GYPE: variants seen among roughly 807,000 people sequenced by gnomAD.
GYPE encodes the protein glycophorin E (MNS blood group).
Under a neutral mutation model 11.6 loss-of-function variants are expected in GYPE, and 8 were observed. The observed-to-expected ratio is 0.69, with a 90% confidence interval of 0.41 to 1.25. The LOEUF (loss-of-function observed/expected upper bound fraction) is 1.25, where lower values mean the gene tolerates loss of function less well. Ranked by LOEUF, GYPE falls within the 50% of genes most tolerant of loss-of-function variation. The pLI is 0.01. For missense variants in GYPE, 90 were observed against 92.8 expected (o/e 0.97, Z 0.12); for synonymous variants, 28 against 29.6 (o/e 0.94, Z 0.18).
intron 1 of GYPE, among the ~76,000 whole-genome samples, chr4:143,892,733 T>C (rs1744459223): frequency 1.3e-5 from 2 of 149,456 alleles, no homozygotes; most frequent in African/African-American, 4.9e-5. Context: ...CTTCCAACTA[T>C]GTGGTCAGTT....
chr4:143,897,166 A>T (rs1744684626), intron 1 of GYPE, among the ~76,000 whole-genome samples: 3 of 152,126 alleles, frequency 2.0e-5, no homozygotes, highest in East Asian at 1.9e-4. Flanking sequence ...ATAATAATAA[A>T]AAAAATTAAG....
intron 1 of GYPE, among the ~76,000 whole-genome samples, chr4:143,890,317 A>G (rs4095435): frequency 0.93 from 141,301 of 152,240 alleles, 66,518 homozygotes; most frequent in East Asian, 1. Context: ...AGAACAAAAG[A>G]GGATTTCACA....
chr4:143,873,585 A>G (rs1052487416), intron 3 of GYPE: 11 of 400,056 alleles, frequency 2.7e-5, no homozygotes, highest in Non-Finnish European at 5.5e-5. Flanking sequence ...GCATTTGACA[A>G]GACCATCTGG....
chr4:143,894,037 C>A (rs941756262), intron 1 of GYPE, among the ~76,000 whole-genome samples: 1 of 152,006 alleles, frequency 6.6e-6, no homozygotes, highest in Non-Finnish European at 1.5e-5. Context: ...CTAAACTTCC[C>A]TTCTCGCTTC....
chr4:143,876,069 A>G (rs1213325275), intron 3 of GYPE, among the ~76,000 whole-genome samples: 1 of 152,044 alleles, frequency 6.6e-6, no homozygotes, highest in Non-Finnish European at 1.5e-5. Flanking sequence ...GTTGCAAAAT[A>G]TGTGAGAATT....
chr4:143,894,088 C>T (rs1435676638), intron 1 of GYPE, among the ~76,000 whole-genome samples: 1 of 152,176 alleles, frequency 6.6e-6, no homozygotes, highest in South Asian at 2.1e-4. Flanking sequence ...ACCCTTTCTT[C>T]CAGTTGATCA....
At chr4:143,902,683 A>T (rs1317433412) in intron 1 of GYPE, among the ~76,000 whole-genome samples, 2 of 151,620 alleles carry the variant, frequency 1.3e-5, no homozygotes, top group East Asian at 3.9e-4. Context: ...TTATTCAACC[A>T]ATATGCTACT....
intron 1 of GYPE, among the ~76,000 whole-genome samples, chr4:143,881,172 C>G (rs905994396): frequency 5.5e-5 from 8 of 146,744 alleles, no homozygotes; most frequent in Non-Finnish European, 1.0e-4. Flanking sequence ...GCCTGGGTGA[C>G]AGAACGAGAC....
In GYPE at chr4:143,903,395, C is replaced by G. The variant is rs374136914; in HGVS notation, c.37+2076G>C. Among the ~76,000 whole-genome samples, 857 of 151,350 alleles carry G rather than the reference C, an allele frequency of 5.7e-3. 11 individuals are homozygous for G. The highest frequency in any genetic ancestry group is 0.019 in the African/African-American group (767 of 41,196). On this transcript the variant is annotated intron_variant, in intron 1 of 3. Coordinates refer to ENST00000358615, the MANE Select transcript of GYPE (RefSeq NM_198682.3). ...AATGAGTGCAGGAATTCAGGGACTG[C>G]GAATCAAGTCATATTAGAAAAAATG...
chr4:143,894,685 G>A (rs1473548939), intron 1 of GYPE, among the ~76,000 whole-genome samples: 5 of 152,030 alleles, frequency 3.3e-5, no homozygotes, highest in Admixed American at 6.6e-5. Context: ...ACCAGAGCCG[G>A]GCAGAGACAC....
At chr4:143,878,719 G>A (rs750683060) in intron 2 of GYPE, 15 of 475,012 alleles carry the variant, frequency 3.2e-5, no homozygotes, top group Non-Finnish European at 4.3e-5. Context: ...TAAGTAAGAC[G>A]TGCAAAGAAA....
Position 143,871,292 on chromosome 4 carries a change from GT to G in GYPE, c.*969del, listed in dbSNP as rs374388196. On this transcript the variant is annotated 3_prime_UTR_variant, in exon 4 of 4. Coordinates refer to ENST00000358615, the MANE Select transcript of GYPE (RefSeq NM_198682.3). The stretch of plus-strand genomic sequence containing the variant: ...ACCTTCAAGGAACCTAAATCCTGGT[GT>G]TTTTATGGTTACGGGTGGCATATAA... 2 of 152,214 alleles carry G rather than the reference GT, an allele frequency of 1.3e-5. No homozygotes were observed. Among genetic ancestry groups the G allele is most frequent in the African/African-American group, 4.8e-5 (2 of 41,528 alleles). The allele number at this position is 152,214 out of a possible 1,614,324, so 9.4% of individuals were successfully genotyped here.
intron 1 of GYPE, among the ~76,000 whole-genome samples, chr4:143,896,250 C>A (rs1358582701): frequency 2.6e-5 from 4 of 151,950 alleles, no homozygotes; most frequent in Non-Finnish European, 5.9e-5. Flanking sequence ...ATTTTTGCAA[C>A]CTACTCATCT....
intron 2 of GYPE, chr4:143,878,609 A>T (rs1448522299): frequency 8.5e-6 from 4 of 469,576 alleles, no homozygotes; most frequent in Non-Finnish European, 8.8e-6. Flanking sequence ...AAATGGAATG[A>T]TTTTGATTCT....
chr4:143,882,185 A>G (rs1410213516), intron 1 of GYPE, among the ~76,000 whole-genome samples: 1 of 152,156 alleles, frequency 6.6e-6, no homozygotes, highest in Non-Finnish European at 1.5e-5. Flanking sequence ...ACTAAATAGC[A>G]TGCAAAACAA....
chr4:143,903,575 G>C (rs138876703), intron 1 of GYPE, among the ~76,000 whole-genome samples: 2,411 of 142,944 alleles, frequency 0.017, 86 homozygotes, highest in African/African-American at 0.059. Context: ...ACCATGTTTA[G>C]TCTTCAGCTA....
intron 1 of GYPE, among the ~76,000 whole-genome samples, chr4:143,892,765 G>A (rs1256002646): frequency 6.8e-6 from 1 of 146,548 alleles, no homozygotes; most frequent in African/African-American, 2.5e-5. Flanking sequence ...GTGGTGTGGT[G>A]CTGAAAAAAG....
chr4:143,889,515 C>G (rs1479208769), intron 1 of GYPE, among the ~76,000 whole-genome samples: 4 of 152,064 alleles, frequency 2.6e-5, no homozygotes, highest in Admixed American at 6.6e-5. Context: ...AGATGTCTCT[C>G]TTTTTAAACT....
intron 3 of GYPE, chr4:143,873,503 G>A (rs1416056207): frequency 2.2e-6 from 1 of 454,862 alleles, no homozygotes; most frequent in Non-Finnish European, 4.4e-6. Flanking sequence ...CATGAGAAGG[G>A]TCAAGAACAA....
Sources: gnomAD v4.1 joint callset for allele counts (sites outside exome capture counted in the v4.1 genomes callset) on GRCh38, gnomAD v4.1.1 for gene constraint, MANE v1.5 for transcripts, NCBI Gene and HGNC (gene_info 2026-07-23, HGNC 2026-07-21) for gene names.